Variants in CFAP77 observed in about 807,000 individuals in gnomAD.
The protein encoded by CFAP77 is cilia and flagella associated protein 77, also known as cilia- and flagella-associated protein 77.
In CFAP77, 25 loss-of-function variants were observed where a neutral mutation model predicts 31.1. The ratio of observed to expected loss-of-function variants is 0.80; its 90% CI spans 0.59 to 1.12. The LOEUF (loss-of-function observed/expected upper bound fraction) is 1.12. Ranked by LOEUF, CFAP77 falls within the 50% of genes most tolerant of loss-of-function variation. The pLI, the probability that CFAP77 is intolerant of heterozygous loss-of-function variation, is 0.00. For synonymous variants in CFAP77, 151 were observed against 159.9 expected (o/e 0.94, Z 0.42); for missense variants, 377 against 397.3 (o/e 0.95, Z 0.44).
At chr9:132,447,187 A>T (rs1850739320) in intron 1 of CFAP77, among the ~76,000 whole-genome samples, 1 of 152,224 alleles carries the variant, frequency 6.6e-6, no homozygotes, top group African/African-American at 2.4e-5. Flanking sequence ...ACACTCTGCC[A>T]CTGATTCTGC....
At position 132,424,913 on chromosome 9, in the gene CFAP77, G is replaced by C. The variant is rs1050593221; in HGVS notation, c.195+14447G>C. On this transcript the variant is annotated intron_variant, in intron 1 of 5. Coordinates refer to ENST00000393216, the MANE Select transcript of CFAP77 (RefSeq NM_001282957.2). This position sits in a 1 kb window ranked among gnomAD's most constrained non-coding sequence, Gnocchi z 4.1. ...TTCTCCCCACCTCCCTAATCAGAGA[G>C]AGCAAATTGTTATCAGATTAGCGCC... 6.6e-6 allele frequency among the ~76,000 whole-genome samples: 1 copy of C among 152,252 alleles called. No homozygotes were observed. The highest frequency in any genetic ancestry group is 1.5e-5 in the Non-Finnish European group (1 of 68,000).
intron 1 of CFAP77, among the ~76,000 whole-genome samples, chr9:132,459,360 C>A (rs929791402): frequency 6.6e-6 from 1 of 152,046 alleles, no homozygotes; most frequent in Non-Finnish European, 1.5e-5. Context: ...AGTGAACCAC[C>A]GCGCCCGGCC....
chr9:132,466,697 C>A (rs77018970), intron 1 of CFAP77, among the ~76,000 whole-genome samples: 2 of 152,192 alleles, frequency 1.3e-5, no homozygotes, highest in Non-Finnish European at 2.9e-5. Flanking sequence ...CCCGACCTCC[C>A]GGCTTCCTCC....
chr9:132,569,683 C>T (rs1589931139), intron 5 of CFAP77, among the ~76,000 whole-genome samples: 1 of 151,536 alleles, frequency 6.6e-6, no homozygotes, highest in African/African-American at 2.4e-5. Flanking sequence ...GCCCCCGAGA[C>T]CCCAAGGTCT....
intron 4 of CFAP77, among the ~76,000 whole-genome samples, chr9:132,538,681 G>A: frequency 6.6e-6 from 1 of 152,334 alleles, no homozygotes; most frequent in East Asian, 1.9e-4. Context: ...AGGAGGCTGA[G>A]GCAGGAGAAT....
chr9:132,487,630 G>T (rs1851584353), intron 1 of CFAP77, among the ~76,000 whole-genome samples: 2 of 146,184 alleles, frequency 1.4e-5, no homozygotes, highest in African/African-American at 2.5e-5. Context: ...GTAGAATTTT[G>T]AATCCGGCTG....
At chr9:132,415,515 A>G (rs1168248756) in intron 1 of CFAP77, among the ~76,000 whole-genome samples, 2 of 152,114 alleles carry the variant, frequency 1.3e-5, no homozygotes, top group Non-Finnish European at 2.9e-5. Context: ...TTGAAGCGTT[A>G]ATTAAGCGCA....
Position 132,411,018 on chromosome 9 carries a change from A to G in CFAP77, c.195+552A>G, listed in dbSNP as rs374599043. 8.5e-5 allele frequency among the ~76,000 whole-genome samples: 13 copies of G among 152,320 alleles called. No homozygotes were observed. In the East Asian group the frequency reaches 1.9e-3, roughly 23 times the overall value. On this transcript the variant is annotated intron_variant, in intron 1 of 5. Transcript: ENST00000393216. Reference sequence around the variant, plus strand: ...ACAACCCTAAGAGAAAAAAAGCATAATCTTTGGCCTAGGAGGCTCCGCAGA... The same window carrying G: ...ACAACCCTAAGAGAAAAAAAGCATAGTCTTTGGCCTAGGAGGCTCCGCAGA...
chr9:132,438,536 TA>T (rs1850551850), intron 1 of CFAP77, among the ~76,000 whole-genome samples: 6 of 117,582 alleles, frequency 5.1e-5, no homozygotes, highest in African/African-American at 2.1e-4. Context: ...TATATATATA[TA>T]TATATTTTTT....
chr9:132,521,913 C>T (rs572260638), intron 3 of CFAP77, among the ~76,000 whole-genome samples: 10 of 152,022 alleles, frequency 6.6e-5, no homozygotes, highest in African/African-American at 2.2e-4. Flanking sequence ...AGGTGCACGC[C>T]ACCATGCCGA....
chr9:132,546,272 G>GC (rs1364200372), intron 5 of CFAP77, among the ~76,000 whole-genome samples: 2 of 152,154 alleles, frequency 1.3e-5, no homozygotes, highest in Non-Finnish European at 2.9e-5. Context: ...CGGGCGGGTG[G>GC]CCAGGGCCAC....
intron 1 of CFAP77, among the ~76,000 whole-genome samples, chr9:132,453,135 C>T (rs1289955093): frequency 6.6e-6 from 1 of 152,204 alleles, no homozygotes; most frequent in African/African-American, 2.4e-5. Flanking sequence ...CTCTTCCCTT[C>T]ATGCCCTCAG....
At chr9:132,548,599 C>T (rs913412471) in intron 5 of CFAP77, among the ~76,000 whole-genome samples, 3 of 151,638 alleles carry the variant, frequency 2.0e-5, no homozygotes, top group African/African-American at 7.3e-5. Context: ...GAGCCTGGAT[C>T]TTTATTATAA....
chr9:132,570,855 A>G (rs1829949317), intron 5 of CFAP77, among the ~76,000 whole-genome samples: 1 of 152,150 alleles, frequency 6.6e-6, no homozygotes, highest in Non-Finnish European at 1.5e-5. Flanking sequence ...AGAACTTAAG[A>G]GTCCAGAGGT....
chr9:132,544,184 C>A (rs1198074195), intron 5 of CFAP77, among the ~76,000 whole-genome samples: 1 of 152,248 alleles, frequency 6.6e-6, no homozygotes, highest in Non-Finnish European at 1.5e-5. Flanking sequence ...CTCTCATGTC[C>A]TGCCCAAGTG....
chr9:132,441,875 T>C (rs991802052), intron 1 of CFAP77, among the ~76,000 whole-genome samples: 1 of 152,224 alleles, frequency 6.6e-6, no homozygotes, highest in African/African-American at 2.4e-5. Context: ...ACGCAGAGTC[T>C]CAGCCCCCAC....
intron 5 of CFAP77, among the ~76,000 whole-genome samples, chr9:132,562,066 C>G (rs559479909): frequency 1.3e-5 from 2 of 152,254 alleles, no homozygotes; most frequent in African/African-American, 4.8e-5. Flanking sequence ...CGGGAAGTCA[C>G]ATACGTAAGC....
rs73558683 is a variant in CFAP77, at chr9:132,571,000, A to G, written c.733-1388A>G. Among the ~76,000 whole-genome samples the G allele has an allele frequency of 4.3e-3, 652 of 152,076 alleles. 7 individuals are homozygous for G. The highest frequency in any genetic ancestry group is 0.015 in the African/African-American group (624 of 41,474). On this transcript the variant is annotated intron_variant, in intron 5 of 5. Transcript: ENST00000393216. Reference sequence around the variant, plus strand: ...CCCCGAGCACAGAGACTTTCCCTACAAGCCCCTCCTTATCTTCCCTCTACC... The same window carrying G: ...CCCCGAGCACAGAGACTTTCCCTACGAGCCCCTCCTTATCTTCCCTCTACC...
chr9:132,454,405 G>A (rs1305405318), intron 1 of CFAP77, among the ~76,000 whole-genome samples: 3 of 152,064 alleles, frequency 2.0e-5, no homozygotes, highest in African/African-American at 4.8e-5. Flanking sequence ...AACTTTTAGG[G>A]TAAAACTTTG....
Sources: gnomAD v4.1 joint callset for allele counts (sites outside exome capture counted in the v4.1 genomes callset) on GRCh38, gnomAD v4.1.1 for gene constraint, Gnocchi (gnomAD v3.1) non-coding constraint, MANE v1.5 for transcripts, NCBI Gene and HGNC (gene_info 2026-07-23, HGNC 2026-07-21) for gene names.